Variants in APOL5 observed in about 807,000 individuals in gnomAD.
APOL5 encodes the protein apolipoprotein L5.
APOL5 carries 29 observed loss-of-function variants against 35.5 expected under a neutral mutation model. That is an observed-to-expected ratio of 0.82 (90% CI 0.61 to 1.11). APOL5 has a LOEUF of 1.11. APOL5 is among the 50% of genes most tolerant of loss of function. The probability of loss-of-function intolerance (pLI) is 0.00; values close to 1 mark genes in which losing one functional copy is unlikely to be tolerated. For missense variants in APOL5, 514 were observed against 530.4 expected (o/e 0.97, Z 0.30); for synonymous variants, 188 against 200.2 (o/e 0.94, Z 0.51).
At position 35,726,573 on chromosome 22, in the gene APOL5, C is replaced by T; in HGVS notation, c.505C>T (p.Leu169Phe). ...APVTAGGSLM[L>F]SATGTGLGAA... The stretch of plus-strand genomic sequence containing the variant: ...TGTGACAGCAGGAGGCAGTCTCATG[C>T]TCTCAGCAACTGGGACAGGGTTGGG... Residue 169 changes from leucine (L) to phenylalanine (F), a missense_variant, in exon 3 of 5, where the codon CTC (leucine) becomes TTC (phenylalanine). Leu to Phe is a conservative substitution (Grantham distance 22). This residue lies in a region of APOL5 where 254 missense variants were observed against 254.7 expected (regional missense o/e 1.00). Transcript: ENST00000249044. 1 of 1,614,178 alleles carries T rather than the reference C, an allele frequency of 6.2e-7. No homozygotes were observed. Among genetic ancestry groups the T allele is most frequent in the Non-Finnish European group, 8.5e-7 (1 of 1,180,028 alleles).
At chr22:35,712,360 A>G in the APOL5 span, among the ~76,000 whole-genome samples, 2 of 151,780 alleles carry the variant, frequency 1.3e-5, no homozygotes, top group Admixed American at 6.6e-5. Context: ...GTGGTATTTC[A>G]TGTGGTTTTC....
At chr22:35,723,221 T>C (rs1927034651) in intron 2 of APOL5, among the ~76,000 whole-genome samples, 1 of 152,150 alleles carries the variant, frequency 6.6e-6, no homozygotes. Context: ...TCCTTTCCCA[T>C]AGATCCTCTC....
At chr22:35,717,222 CA>C (rs71322978), upstream of APOL5, among the ~76,000 whole-genome samples, 430 of 66,880 alleles carry the variant, frequency 6.4e-3, 32 homozygotes, top group African/African-American at 0.028. Flanking sequence ...TCCATCTCTA[CA>C]AAAAAAAAAA....
chr22:35,720,531 T>C (rs768079193), intron 1 of APOL5, 37 bp from the exon 2 acceptor site: 4 of 1,601,680 alleles, frequency 2.5e-6, no homozygotes, highest in South Asian at 1.1e-5. Context: ...CTGAGATGAC[T>C]CAAGAAGAAA....
At chr22:35,714,284 C>T (rs753489507), upstream of APOL5, among the ~76,000 whole-genome samples, 27 of 152,080 alleles carry the variant, frequency 1.8e-4, no homozygotes, top group Non-Finnish European at 3.7e-4. Context: ...TGCATTCCAG[C>T]CTGGATGACA....
chr22:35,725,559 GGT>G (rs1491351732), intron 2 of APOL5, among the ~76,000 whole-genome samples: 16 of 151,942 alleles, frequency 1.1e-4, no homozygotes, highest in African/African-American at 3.9e-4. Flanking sequence ...GGCCAGGACT[GGT>G]TTTTTTTTTT....
chr22:35,714,183 G>A (rs553992796), upstream of APOL5, among the ~76,000 whole-genome samples: 4 of 152,182 alleles, frequency 2.6e-5, no homozygotes, highest in East Asian at 1.9e-4. Context: ...GTGGTGGTGC[G>A]CACCTGTAAT....
At chr22:35,717,960 T>G in intron 1 of APOL5, 34 bp downstream of exon 1, 3 of 1,514,442 alleles carry the variant, frequency 2.0e-6, no homozygotes, top group Non-Finnish European at 2.7e-6. Flanking sequence ...AAACAAGCAA[T>G]TCTCACGTTG....
chr22:35,717,428 A>G (rs1926790988), upstream of APOL5, among the ~76,000 whole-genome samples: 1 of 144,992 alleles, frequency 6.9e-6, no homozygotes, highest in Non-Finnish European at 1.5e-5. Context: ...AAAGAAAGAT[A>G]CCCTAAATCA....
chr22:35,714,183 G>C (rs553992796), upstream of APOL5, among the ~76,000 whole-genome samples: 1 of 152,182 alleles, frequency 6.6e-6, no homozygotes, highest in East Asian at 1.9e-4. Flanking sequence ...GTGGTGGTGC[G>C]CACCTGTAAT....
upstream of APOL5, among the ~76,000 whole-genome samples, chr22:35,717,644 G>A (rs1926798391): frequency 6.7e-6 from 1 of 150,232 alleles, no homozygotes; most frequent in Admixed American, 6.7e-5. Flanking sequence ...GAAGGCTGAG[G>A]CAGAAGAGTC....
At position 35,727,086 on chromosome 22, in the gene APOL5, C is replaced by A. The variant is rs1169440813; in HGVS notation, c.1018C>A (p.Leu340Met). The change falls in exon 3 of 5, where the codon CTG becomes ATG. Residue 340 changes from leucine (L) to methionine (M), a missense_variant. By Grantham distance (15) the Leu-to-Met change is conservative. Around this residue, in one of 3 missense-constraint regions of APOL5, gnomAD observed 238 missense variants for 229.1 expected, o/e 1.04. Coordinates refer to ENST00000249044, the MANE Select transcript of APOL5 (RefSeq NM_030642.1). ...ACTTGCTAAGAAGCTGGAGCAGGAG[C>A]TGGACCGGCTCACCCAGCACCACCG... The part of the protein sequence containing the change: ...RALAKKLEQE[L>M]DRLTQHHRHL... 6.2e-7 allele frequency: 1 copy of A among 1,612,436 alleles called. No homozygotes were observed. The highest frequency in any genetic ancestry group is 1.7e-5 in the Admixed American group (1 of 60,014).
At position 35,728,431 on chromosome 22, in the gene APOL5, G is replaced by A. The variant is rs1258095146; in HGVS notation, c.1127-292G>A. ...GTAGAGACAGGGTTTCACCGTGTTA[G>A]CCAGGATGGTCTCGATCTCCTGACC... On this transcript the variant is annotated intron_variant, in intron 3 of 4. Transcript: ENST00000249044. Among the ~76,000 whole-genome samples the A allele has an allele frequency of 2.6e-5, 4 of 152,172 alleles. No individual in the cohort carries two copies. In the East Asian group the frequency reaches 7.7e-4, roughly 29 times the overall value.
At position 35,726,906 on chromosome 22, in the gene APOL5, T is replaced by C. The variant is rs905681005; in HGVS notation, c.838T>C (p.Phe280Leu). Reference sequence around the variant, plus strand: ...GACGGCTAGAGGGGTGCAGAGAGCCTTTGAGGGCACAACTCTGGCCATGAC... The same window carrying C: ...GACGGCTAGAGGGGTGCAGAGAGCCCTTGAGGGCACAACTCTGGCCATGAC... ...FWTARGVQRA[F>L]EGTTLAMTNG... is the part of the protein sequence containing the mutation. Residue 280 changes from phenylalanine (F) to leucine (L), a missense_variant, in exon 3 of 5, where the codon TTT becomes CTT. Around this residue, in one of 3 missense-constraint regions of APOL5, gnomAD observed 238 missense variants for 229.1 expected, o/e 1.04. Transcript: ENST00000249044. 1 of 1,614,086 alleles carries C rather than the reference T, an allele frequency of 6.2e-7. No homozygotes were observed. The highest frequency in any genetic ancestry group is 1.3e-5 in the African/African-American group (1 of 75,012).
At chr22:35,720,401 C>A (rs889258125) in intron 1 of APOL5, among the ~76,000 whole-genome samples, 167 bp from the exon 2 acceptor site, 1 of 152,110 alleles carries the variant, frequency 6.6e-6, no homozygotes, top group African/African-American at 2.4e-5. Context: ...AATCATTAGA[C>A]AAAAATCATG....
At chr22:35,711,894 T>C in the APOL5 span, among the ~76,000 whole-genome samples, 1 of 152,130 alleles carries the variant, frequency 6.6e-6, no homozygotes, top group African/African-American at 2.4e-5. Flanking sequence ...AGGCTGGTTT[T>C]GAACTCCTGA....
At chr22:35,715,273 A>G (rs1411799150), upstream of APOL5, among the ~76,000 whole-genome samples, 3 of 152,160 alleles carry the variant, frequency 2.0e-5, no homozygotes, top group Admixed American at 2.0e-4. Context: ...CCCAAAATAA[A>G]GTCTAATAGA....
chr22:35,717,286 C>G (rs1172490419), upstream of APOL5, among the ~76,000 whole-genome samples: 9 of 140,652 alleles, frequency 6.4e-5, no homozygotes, highest in East Asian at 2.0e-3. Context: ...CACCTGTAGT[C>G]CCCGCCACTT....
rs766742269 is a variant in APOL5 at position 35,727,010 on chromosome 22, GA to G, written c.944del (p.Lys315SerfsTer15). On this transcript the variant is annotated frameshift_variant, in exon 3 of 5. Transcript: ENST00000249044. LOFTEE classifies it high-confidence loss of function. ...KDMSSFLQSW[K>X]HLEDGARTET... ...ACATGAGCAGCTTCCTGCAGAGCTGGAAGCACCTGGAGGATGGGGCAAGGAC... is the reference window on the plus strand; with the variant it reads ...ACATGAGCAGCTTCCTGCAGAGCTGGAGCACCTGGAGGATGGGGCAAGGAC... 6.2e-7 allele frequency: 1 copy of G among 1,614,088 alleles called. No individual in the cohort carries two copies. The highest frequency in any genetic ancestry group is 8.5e-7 in the Non-Finnish European group (1 of 1,179,970).
Sources: gnomAD v4.1 joint callset for allele counts (sites outside exome capture counted in the v4.1 genomes callset) on GRCh38, gnomAD v4.1.1 for gene constraint, gnomAD v4.1.1 regional missense constraint, MANE v1.5 for transcripts, NCBI Gene and HGNC (gene_info 2026-07-23, HGNC 2026-07-21) for gene names.